Variants in XPO1 observed in about 807,000 individuals in gnomAD.
The protein encoded by XPO1 is exportin-1.
In XPO1, 5 loss-of-function variants were observed where a neutral mutation model predicts 133.3. The ratio of observed to expected loss-of-function variants is 0.04; its 90% CI spans 0.02 to 0.08. XPO1 has a LOEUF of 0.08. Among genes scored for constraint, XPO1 ranks in the 10% least tolerant of loss-of-function variants. The probability of loss-of-function intolerance (pLI) is 1.00; values close to 1 mark genes in which losing one functional copy is unlikely to be tolerated. For missense variants in XPO1, 506 were observed against 1,267.5 expected (o/e 0.40, Z 9.12); for synonymous variants, 419 against 408.2 (o/e 1.03, Z -0.32).
intron 2 of XPO1, among the ~76,000 whole-genome samples, chr2:61,527,603 G>T: frequency 6.6e-6 from 1 of 152,160 alleles, no homozygotes; most frequent in East Asian, 1.9e-4. Flanking sequence ...TTCATGGAAA[G>T]ACTGCTGAAA....
At chr2:61,530,700 T>C (rs1214177261) in intron 2 of XPO1, among the ~76,000 whole-genome samples, 1 of 151,722 alleles carries the variant, frequency 6.6e-6, no homozygotes, top group Non-Finnish European at 1.5e-5. Context: ...AAATAATTTC[T>C]TCCCCTCCCC....
At chr2:61,513,903 G>C (rs1698220790) in intron 4 of XPO1, among the ~76,000 whole-genome samples, 1 of 152,178 alleles carries the variant, frequency 6.6e-6, no homozygotes, top group East Asian at 1.9e-4. Context: ...CAAAATTGGC[G>C]GGGCATGGTG....
chr2:61,492,808 C>T lies in XPO1; in HGVS notation c.1385-60G>A, dbSNP rs768498973. ...TGAGCAGAATTTTATTGATGAGTAACAATACATTTAGAAAATATTTAGAAA... is the reference window on the plus strand; with the variant it reads ...TGAGCAGAATTTTATTGATGAGTAATAATACATTTAGAAAATATTTAGAAA... On this transcript the variant is annotated intron_variant, in intron 13 of 24. Coordinates refer to ENST00000401558, the MANE Select transcript of XPO1 (RefSeq NM_003400.4). The surrounding 1 kb of genome is among the most constrained non-coding windows in gnomAD (Gnocchi z 5.6). 1.0e-5 allele frequency: 16 copies of T among 1,572,636 alleles called. No individual in the cohort carries two copies. Among genetic ancestry groups the T allele is most frequent in the Non-Finnish European group, 1.2e-5 (14 of 1,159,050 alleles).
chr2:61,495,589 G>T lies in XPO1; in HGVS notation c.913C>A (p.Arg305=), dbSNP rs61761632. Residue 305 remains arginine (R), a synonymous_variant, in exon 11 of 25, where the codon CGA becomes AGA. Transcript: ENST00000401558. ...TCTTTTCCATTTGAGTACGCAAGTC[G>T]AATATTGGTATTTAAAGGAAGCATC... ...KQMLPLNTNI[R]LAYSNGKDDE... The T allele has an allele frequency of 1.1e-3, 1,696 of 1,578,490 alleles. 15 individuals carry two copies. The African/African-American group carries it at 0.021, about 20-fold the overall frequency.
chr2:61,506,551 A>C, intron 4 of XPO1, among the ~76,000 whole-genome samples: 1 of 145,528 alleles, frequency 6.9e-6, no homozygotes, highest in Non-Finnish European at 1.5e-5. Flanking sequence ...CTGAGCCAAG[A>C]TCGTGCCACT....
At chr2:61,506,041 T>C (rs968830004) in intron 4 of XPO1, among the ~76,000 whole-genome samples, 5 of 152,206 alleles carry the variant, frequency 3.3e-5, no homozygotes, top group African/African-American at 1.2e-4. Context: ...CAAGGATTAT[T>C]TGATCAAGTA....
intron 4 of XPO1, among the ~76,000 whole-genome samples, chr2:61,510,598 T>A (rs1698041921): frequency 6.6e-6 from 1 of 152,144 alleles, no homozygotes; most frequent in Non-Finnish European, 1.5e-5. Context: ...ATCTAAAAGA[T>A]TAAAATTTTA....
chr2:61,496,095 T>G (rs1697227661), intron 10 of XPO1, among the ~76,000 whole-genome samples: 1 of 152,220 alleles, frequency 6.6e-6, no homozygotes, highest in South Asian at 2.1e-4. Flanking sequence ...TCTTCTCAAA[T>G]AAATTAAAGG....
intron 3 of XPO1, among the ~76,000 whole-genome samples, chr2:61,523,540 G>A (rs1433367842): frequency 6.6e-6 from 1 of 152,186 alleles, no homozygotes; most frequent in Non-Finnish European, 1.5e-5. Flanking sequence ...AGGAAGAAAA[G>A]GGACAAAACC....
chr2:61,483,553 TA>T (rs990865471), intron 21 of XPO1: 3 of 183,464 alleles, frequency 1.6e-5, no homozygotes, highest in Non-Finnish European at 1.1e-5. Context: ...ACTATTGAAA[TA>T]AAAAAAGAAC....
chr2:61,500,611 C>T (rs1697462816), intron 6 of XPO1, among the ~76,000 whole-genome samples: 1 of 141,794 alleles, frequency 7.1e-6, no homozygotes, highest in African/African-American at 2.8e-5. Flanking sequence ...GCAGCCTGGC[C>T]AACATGGTGA....
At chr2:61,481,363 C>A in intron 23 of XPO1, 82 bp from the exon 24 acceptor site, 1 of 1,014,388 alleles carries the variant, frequency 9.9e-7, no homozygotes. Context: ...GGCTGGAGTA[C>A]AGTGGCATGA....
intron 24 of XPO1, among the ~76,000 whole-genome samples, chr2:61,480,789 G>A (rs574987358): frequency 1.4e-4 from 21 of 152,012 alleles, no homozygotes; most frequent in Non-Finnish European, 2.8e-4. Context: ...CTTCCCAAAA[G>A]TATGAATAAA....
intron 2 of XPO1, among the ~76,000 whole-genome samples, chr2:61,533,380 A>G (rs1330883813): frequency 2.0e-5 from 3 of 152,208 alleles, no homozygotes; most frequent in Non-Finnish European, 4.4e-5. Context: ...AAATTCAACT[A>G]ACATAAAAAT....
intron 22 of XPO1, 194 bp downstream of exon 22, chr2:61,482,763 G>T: frequency 1.3e-6 from 1 of 755,536 alleles, no homozygotes; most frequent in Non-Finnish European, 2.1e-6. Flanking sequence ...ATGCCACCAT[G>T]CCCAGTATTT....
chr2:61,482,616 T>A (rs1021894849), intron 22 of XPO1, 77 bp from the exon 23 acceptor site: 4 of 1,321,330 alleles, frequency 3.0e-6, no homozygotes, highest in Non-Finnish European at 4.0e-6. Context: ...TGTTTTGTTT[T>A]TTTTTTTTAG....
chr2:61,517,063 T>C (rs1247825884), intron 4 of XPO1, among the ~76,000 whole-genome samples: 1 of 151,902 alleles, frequency 6.6e-6, no homozygotes, highest in East Asian at 1.9e-4. Flanking sequence ...GCCACCACAC[T>C]CAGCTAATTT....
intron 24 of XPO1, chr2:61,480,244 G>A (rs1169211785): frequency 6.8e-6 from 1 of 147,594 alleles, no homozygotes; most frequent in Non-Finnish European, 1.5e-5. Context: ...ATTAAGTTTA[G>A]TTATATTATC....
In XPO1 at chr2:61,488,242, T is replaced by G. The variant is rs774990826; in HGVS notation, c.2236A>C (p.Arg746=). 10 of 1,614,006 alleles carry G rather than the reference T, an allele frequency of 6.2e-6. No individual in the cohort carries two copies. In the South Asian group the frequency reaches 1.1e-4, roughly 18 times the overall value. The change falls in exon 19 of 25, where the codon AGA becomes CGA. Residue 746 remains arginine (R), a synonymous_variant. Transcript: ENST00000401558. ...TCCCTTTTTACAGTTCGCATACTTC[T>G]AATCAATGGTTGCTTTGTAACCATT... ...GEMVTKQPLI[R]SMRTVKRETL...
Sources: allele counts gnomAD v4.1 joint callset (sites outside exome capture counted in the v4.1 genomes callset), GRCh38; gene constraint gnomAD v4.1.1; non-coding constraint Gnocchi (gnomAD v3.1); transcripts MANE v1.5; gene names NCBI Gene and HGNC (gene_info 2026-07-23, HGNC 2026-07-21).